EYS: variants seen among roughly 807,000 people sequenced by gnomAD.
EYS encodes the protein protein eyes shut homolog.
EYS carries 250 observed loss-of-function variants against 282.1 expected under a neutral mutation model. That is an observed-to-expected ratio of 0.89 (90% CI 0.80 to 0.98). The LOEUF (loss-of-function observed/expected upper bound fraction) is 0.98, where lower values mean the gene tolerates loss of function less well. EYS is among the 50% of genes least tolerant of loss of function. The pLI is 0.00. For missense variants in EYS, 4,016 were observed against 3,709.0 expected (o/e 1.08, Z -2.15); for synonymous variants, 1,355 against 1,282.9 (o/e 1.06, Z -1.20).
intron 14 of EYS, among the ~76,000 whole-genome samples, chr6:64,996,757 T>C (rs1029845390): frequency 2.0e-5 from 3 of 152,194 alleles, no homozygotes; most frequent in Non-Finnish European, 4.4e-5. Context: ...AAAAACAATG[T>C]CAGTGCACTG....
intron 1 of EYS, among the ~76,000 whole-genome samples, chr6:65,649,044 G>T (rs1767558283): frequency 6.7e-6 from 1 of 150,102 alleles, no homozygotes; most frequent in East Asian, 2.0e-4. Flanking sequence ...TACTCGGGAG[G>T]CTGAGGCAGG....
At chr6:65,624,423 T>C (rs1385619681) in intron 2 of EYS, among the ~76,000 whole-genome samples, 1 of 152,196 alleles carries the variant, frequency 6.6e-6, no homozygotes, top group Non-Finnish European at 1.5e-5. Context: ...CTAATCACTC[T>C]AGTCCTTAAA....
chr6:65,468,501 AG>A (rs1352602511), intron 5 of EYS, among the ~76,000 whole-genome samples: 2 of 151,868 alleles, frequency 1.3e-5, no homozygotes, highest in African/African-American at 4.8e-5. Flanking sequence ...TTATTTATTT[AG>A]TTAGTTAGTT....
chr6:63,767,305 A>G (rs774110612), intron 40 of EYS, among the ~76,000 whole-genome samples: 3 of 152,174 alleles, frequency 2.0e-5, no homozygotes, highest in Non-Finnish European at 4.4e-5. Context: ...CTCCTTGCAG[A>G]TGATACTATT....
At chr6:65,496,240 A>G (rs1030118499) in intron 2 of EYS, among the ~76,000 whole-genome samples, 3 of 152,080 alleles carry the variant, frequency 2.0e-5, no homozygotes, top group African/African-American at 7.2e-5. Flanking sequence ...TAATGAAAAG[A>G]TTATAAATAT....
chr6:64,945,644 C>T (rs375005976), intron 15 of EYS, 149 bp downstream of exon 15: 81 of 625,752 alleles, frequency 1.3e-4, no homozygotes, highest in African/African-American at 1.1e-3. Context: ...CAAATGATTG[C>T]GACACCATCT....
chr6:64,727,579 A>T (rs1445342775), intron 22 of EYS, among the ~76,000 whole-genome samples: 1 of 152,188 alleles, frequency 6.6e-6, no homozygotes, highest in Non-Finnish European at 1.5e-5. Flanking sequence ...TTTCCGGAAA[A>T]ACAATCCTTG....
rs140811433 is a variant in EYS, at chr6:64,413,277, A to G, written c.5927+22897T>C. ...GCTCCAAGATCTAGGCTATGGTCAT[A>G]CTTCCTCCTTCTCAGGCCTGCAGTT... On this transcript the variant is annotated intron_variant, in intron 28 of 42. Coordinates refer to ENST00000503581, the MANE Select transcript of EYS (RefSeq NM_001142800.2). Among the ~76,000 whole-genome samples the G allele has an allele frequency of 8.7e-4, 132 of 152,154 alleles. 1 individual carries two copies. The highest frequency in any genetic ancestry group is 3.1e-3 in the African/African-American group (127 of 41,530).
At chr6:65,179,236 A>G (rs536656694) in intron 12 of EYS, among the ~76,000 whole-genome samples, 1 of 143,384 alleles carries the variant, frequency 7.0e-6, no homozygotes, top group Admixed American at 7.0e-5. Flanking sequence ...GGAAATAGAG[A>G]CACAAAAAAA....
Position 64,243,138 on chromosome 6 carries a change from C to T in EYS, c.6192-12314G>A, listed in dbSNP as rs141700007. On this transcript the variant is annotated intron_variant, in intron 30 of 42. Transcript: ENST00000503581. Reference sequence around the variant, plus strand: ...TAAAATCTCCAACTAAATAAAAGCACATAAAGTGAGTATTTTTATTCATAT... The same window carrying T: ...TAAAATCTCCAACTAAATAAAAGCATATAAAGTGAGTATTTTTATTCATAT... Among the ~76,000 whole-genome samples the T allele has an allele frequency of 2.0e-3, 307 of 150,872 alleles. 2 individuals are homozygous for T. Among genetic ancestry groups the T allele is most frequent in the African/African-American group, 7.2e-3 (298 of 41,262 alleles).
rs575611368 is a variant in EYS at position 65,317,780 on chromosome 6, T to C, written c.1766+17200A>G. On this transcript the variant is annotated intron_variant, in intron 11 of 42. Coordinates refer to ENST00000503581, the MANE Select transcript of EYS (RefSeq NM_001142800.2). ...CTTGGCTGGAGGCTACATTTTCTCT[T>C]CCTTCCTTCCTTCCTTCCTTCCTTC... 2.2e-3 allele frequency among the ~76,000 whole-genome samples: 41 copies of C among 18,628 alleles called. 1 individual carries two copies. Among genetic ancestry groups the C allele is most frequent in the Middle Eastern group, 0.016 (1 of 62 alleles). The allele number at this position is 18,628 out of a possible 152,430, so 12.2% of individuals were successfully genotyped here. A position where few individuals can be genotyped will look rare whatever the true frequency, so the allele number is the denominator to read the frequency against.
intron 12 of EYS, among the ~76,000 whole-genome samples, chr6:65,247,108 A>G (rs931322002): frequency 6.6e-6 from 1 of 152,054 alleles, no homozygotes; most frequent in Non-Finnish European, 1.5e-5. Context: ...TATTGTTTTA[A>G]CTAAGGCCTG....
chr6:63,835,874 A>C (rs183574035), intron 36 of EYS, among the ~76,000 whole-genome samples: 3 of 152,222 alleles, frequency 2.0e-5, no homozygotes, highest in Admixed American at 2.0e-4. Context: ...TTAATTCTTA[A>C]AACTACTGAA....
intron 7 of EYS, among the ~76,000 whole-genome samples, chr6:65,400,314 T>C (rs1766445011): frequency 6.6e-6 from 1 of 152,094 alleles, no homozygotes; most frequent in African/African-American, 2.4e-5. Flanking sequence ...CAAATAATTT[T>C]CCAAAGTATT....
chr6:63,792,973 T>C (rs1162647597), intron 37 of EYS, among the ~76,000 whole-genome samples: 1 of 152,228 alleles, frequency 6.6e-6, no homozygotes, highest in African/African-American at 2.4e-5. Context: ...AGGCTTGTGA[T>C]ATCCCACAAG....
chr6:64,355,863 A>G (rs1771806437), intron 29 of EYS, among the ~76,000 whole-genome samples: 1 of 151,680 alleles, frequency 6.6e-6, no homozygotes, highest in Non-Finnish European at 1.5e-5. Context: ...GATGAGCTTC[A>G]GAAGTTCTGT....
chr6:64,352,605 A>G (rs1339648171), intron 29 of EYS, among the ~76,000 whole-genome samples: 3 of 151,522 alleles, frequency 2.0e-5, no homozygotes, highest in Non-Finnish European at 3.0e-5. Context: ...GGTATATAGC[A>G]AGTCCTTAAT....
chr6:65,019,684 C>T (rs1238637729), intron 13 of EYS, among the ~76,000 whole-genome samples: 1 of 152,160 alleles, frequency 6.6e-6, no homozygotes, highest in African/African-American at 2.4e-5. Flanking sequence ...GGTAAGACAA[C>T]AGGAATTATC....
At chr6:65,006,401 C>CA (rs1374935894) in intron 13 of EYS, among the ~76,000 whole-genome samples, 1 of 149,198 alleles carries the variant, frequency 6.7e-6, no homozygotes, top group East Asian at 2.0e-4. Flanking sequence ...CAAATGCATT[C>CA]AGTCAGTCGG....
Sources: gnomAD v4.1 joint callset for allele counts (sites outside exome capture counted in the v4.1 genomes callset) on GRCh38, gnomAD v4.1.1 for gene constraint, MANE v1.5 for transcripts, NCBI Gene and HGNC (gene_info 2026-07-23, HGNC 2026-07-21) for gene names.